The following FAM135B variants were observed in gnomAD, a reference collection of about 807,000 sequenced individuals.
The protein encoded by FAM135B is family with sequence similarity 135 member B, also known as protein FAM135B.
A neutral mutation model predicts 127.7 loss-of-function variants in FAM135B; 43 were observed. The ratio of observed to expected loss-of-function variants is 0.34; its 90% CI spans 0.26 to 0.43. The LOEUF (loss-of-function observed/expected upper bound fraction) is 0.43. FAM135B is among the 20% of genes least tolerant of loss of function. The pLI, the probability that FAM135B is intolerant of heterozygous loss-of-function variation, is 1.00. For missense variants in FAM135B, 1,558 were observed against 1,725.6 expected (o/e 0.90, Z 1.72); for synonymous variants, 670 against 665.1 (o/e 1.01, Z -0.11).
chr8:138,350,932 C>A (rs1322682164), intron 2 of FAM135B, among the ~76,000 whole-genome samples: 1 of 152,122 alleles, frequency 6.6e-6, no homozygotes, highest in Non-Finnish European at 1.5e-5. Flanking sequence ...ACCTGCTTAC[C>A]TCCCCAAAGT....
intron 7 of FAM135B, among the ~76,000 whole-genome samples, chr8:138,197,957 G>A (rs1816795531): frequency 2.0e-5 from 3 of 152,082 alleles, no homozygotes; most frequent in Admixed American, 2.0e-4. Context: ...CAATAATAAC[G>A]AATGATCATG....
intron 2 of FAM135B, among the ~76,000 whole-genome samples, chr8:138,330,840 T>C (rs558216866): frequency 6.6e-6 from 1 of 151,676 alleles, no homozygotes; most frequent in South Asian, 2.1e-4. Flanking sequence ...CTCATATAAA[T>C]GTACATTTTT....
At chr8:138,453,895 T>C (rs188315130) in intron 1 of FAM135B, among the ~76,000 whole-genome samples, 1 of 152,168 alleles carries the variant, frequency 6.6e-6, no homozygotes, top group Non-Finnish European at 1.5e-5. Flanking sequence ...GTAATCCTCA[T>C]AAAGTAGAAG....
chr8:138,158,885 G>A (rs555196259), intron 12 of FAM135B, among the ~76,000 whole-genome samples: 5 of 152,272 alleles, frequency 3.3e-5, no homozygotes, highest in African/African-American at 4.8e-5. Flanking sequence ...ACAGTGTGGC[G>A]ATTCCTCAAG....
chr8:138,301,788 A>G (rs1587011031), intron 3 of FAM135B, among the ~76,000 whole-genome samples: 1 of 152,364 alleles, frequency 6.6e-6, no homozygotes, highest in Admixed American at 6.5e-5. Context: ...GACTCCAAAT[A>G]GATGCACACA....
intron 3 of FAM135B, among the ~76,000 whole-genome samples, chr8:138,268,409 C>T (rs1460406530): frequency 1.3e-5 from 2 of 152,122 alleles, no homozygotes; most frequent in Admixed American, 6.6e-5. Flanking sequence ...CACCAAATCC[C>T]GAGGTGACCC....
Position 138,453,508 on chromosome 8 carries a change from C to T in FAM135B, c.-20+43163G>A, listed in dbSNP as rs190486828. 4.7e-3 allele frequency among the ~76,000 whole-genome samples: 712 copies of T among 152,090 alleles called. 6 individuals carry two copies. Among genetic ancestry groups the T allele is most frequent in the Non-Finnish European group, 8.3e-3 (563 of 68,008 alleles). The stretch of plus-strand genomic sequence containing the variant: ...CCCATTCCCTGCTGGTCCCGGACTC[C>T]CTCACCTCCACAAACAAAAAGAAGC... On this transcript the variant is annotated intron_variant, in intron 1 of 19. Transcript: ENST00000395297.
At chr8:138,351,616 T>G (rs182213642) in intron 2 of FAM135B, among the ~76,000 whole-genome samples, 1 of 152,186 alleles carries the variant, frequency 6.6e-6, no homozygotes, top group Admixed American at 6.5e-5. Flanking sequence ...CACCCAGTTT[T>G]GGATACTTTG....
chr8:138,443,861 T>A (rs1835949047), intron 1 of FAM135B, among the ~76,000 whole-genome samples: 1 of 152,154 alleles, frequency 6.6e-6, no homozygotes, highest in Non-Finnish European at 1.5e-5. Flanking sequence ...ACTGGCAAAT[T>A]GGATAAAGAG....
intron 7 of FAM135B, among the ~76,000 whole-genome samples, chr8:138,198,392 C>A (rs1816833062): frequency 6.6e-6 from 1 of 152,186 alleles, no homozygotes; most frequent in African/African-American, 2.4e-5. Flanking sequence ...AATACACAAA[C>A]CTTCTTTCCC....
At chr8:138,366,058 C>T (rs375743565) in intron 2 of FAM135B, among the ~76,000 whole-genome samples, 43 of 152,146 alleles carry the variant, frequency 2.8e-4, no homozygotes, top group African/African-American at 8.2e-4. Flanking sequence ...ATGCAGCCCA[C>T]TTTGCACCTT....
intron 5 of FAM135B, among the ~76,000 whole-genome samples, chr8:138,253,899 T>C (rs1408944117): frequency 1.3e-5 from 2 of 152,222 alleles, no homozygotes; most frequent in African/African-American, 4.8e-5. Context: ...ACTCAATTTA[T>C]GAAAATTAAA....
intron 2 of FAM135B, among the ~76,000 whole-genome samples, chr8:138,361,418 CA>C (rs1283892095): frequency 4.6e-5 from 7 of 152,176 alleles, no homozygotes; most frequent in Non-Finnish European, 8.8e-5. Flanking sequence ...AAGTTCAATA[CA>C]ATGAAAGATA....
chr8:138,384,321 T>C (rs1386944290), intron 1 of FAM135B, among the ~76,000 whole-genome samples: 1 of 152,156 alleles, frequency 6.6e-6, no homozygotes, highest in Non-Finnish European at 1.5e-5. Flanking sequence ...GGTTGCCTAG[T>C]GGTAACCTAG....
rs765231155 is a variant in FAM135B, at chr8:138,152,940, C to T, written c.1535G>A (p.Gly512Asp). 5 of 1,614,190 alleles carry T rather than the reference C, an allele frequency of 3.1e-6. No individual in the cohort carries two copies. In the East Asian group the frequency reaches 8.9e-5, roughly 29 times the overall value. Residue 512 changes from glycine to aspartate, a missense_variant, in exon 13 of 20, where the codon GGT (glycine) becomes GAT (aspartate). Transcript: ENST00000395297. ...ISIGEFQNKA[G>D]VPEDECWTGQ... ...AGTCCAACATTCATCTTCAGGCACA[C>T]CTGCTTTGTTTTGAAATTCACCAAT...
chr8:138,133,915 C>T (rs947210685), intron 19 of FAM135B, among the ~76,000 whole-genome samples: 1 of 151,996 alleles, frequency 6.6e-6, no homozygotes, highest in Non-Finnish European at 1.5e-5. Flanking sequence ...GGAGCTTTGA[C>T]GTAAAGGGAA....
Position 138,139,401 on chromosome 8 carries a change from C to T in FAM135B, c.3791-305G>A, listed in dbSNP as rs1277074200. Among the ~76,000 whole-genome samples the T allele has an allele frequency of 5.3e-5, 8 of 152,100 alleles. 1 individual carries two copies. Among genetic ancestry groups the T allele is most frequent in the Admixed American group, 5.2e-4 (8 of 15,260 alleles). On this transcript the variant is annotated intron_variant, in intron 17 of 19. Transcript: ENST00000395297. ...AAAAGAAGCCTAGGGTAATAATTTT[C>T]AATGCGAAAAGAATATAAAATGATC...
At chr8:138,427,136 C>G (rs1021730418) in intron 1 of FAM135B, among the ~76,000 whole-genome samples, 18 of 151,654 alleles carry the variant, frequency 1.2e-4, no homozygotes, top group Non-Finnish European at 2.4e-4. Flanking sequence ...ATTGTAAATA[C>G]CTTTGGTAGT....
chr8:138,204,966 A>G (rs1194525896), intron 7 of FAM135B, among the ~76,000 whole-genome samples: 1 of 152,228 alleles, frequency 6.6e-6, no homozygotes, highest in Non-Finnish European at 1.5e-5. Flanking sequence ...TTCAAAATCT[A>G]TAATGCTACT....
Sources: allele counts gnomAD v4.1 joint callset (sites outside exome capture counted in the v4.1 genomes callset), GRCh38; gene constraint gnomAD v4.1.1; transcripts MANE v1.5; gene names NCBI Gene and HGNC (gene_info 2026-07-23, HGNC 2026-07-21).